The following DPYS variants were observed in gnomAD, a reference collection of about 807,000 sequenced individuals.
DPYS encodes dihydropyrimidine amidohydrolase.
Under a neutral mutation model 50.3 loss-of-function variants are expected in DPYS, and 39 were observed. That is an observed-to-expected ratio of 0.78 (90% CI 0.60 to 1.01). The LOEUF (loss-of-function observed/expected upper bound fraction) is 1.01. Ranked by LOEUF, DPYS falls within the 50% of genes least tolerant of loss-of-function variation. The pLI is 0.00. For synonymous variants in DPYS, 245 were observed against 250.7 expected (o/e 0.98, Z 0.22); for missense variants, 659 against 680.9 (o/e 0.97, Z 0.36).
Position 104,410,487 on chromosome 8 carries a change from C to T in DPYS, c.1235+13760G>A, listed in dbSNP as rs150729734. 1.3e-4 allele frequency among the ~76,000 whole-genome samples: 20 copies of T among 152,206 alleles called. No homozygotes were observed. In the East Asian group the frequency reaches 1.7e-3, roughly 13 times the overall value. On this transcript the variant is annotated intron_variant, in intron 7 of 9. Transcript: ENST00000351513. ...TCACAGCTTAGGCTTAAACTGAGAGCGCTTCCAAGGACATGGGAGTTTCAG... is the reference window on the plus strand; with the variant it reads ...TCACAGCTTAGGCTTAAACTGAGAGTGCTTCCAAGGACATGGGAGTTTCAG...
intron 7 of DPYS, chr8:104,420,581 G>A (rs1812507507): frequency 6.6e-6 from 1 of 151,524 alleles, no homozygotes; most frequent in Non-Finnish European, 1.5e-5. Context: ...TGATGGTTTA[G>A]AGGAAAATGT....
intron 7 of DPYS, among the ~76,000 whole-genome samples, chr8:104,403,914 C>T (rs771578600): frequency 2.6e-5 from 4 of 152,172 alleles, no homozygotes; most frequent in Non-Finnish European, 4.4e-5. Flanking sequence ...AGAATCAAGA[C>T]CTGGCCTCCA....
intron 7 of DPYS, among the ~76,000 whole-genome samples, chr8:104,416,494 C>T (rs532505480): frequency 6.6e-6 from 1 of 152,156 alleles, no homozygotes; most frequent in East Asian, 1.9e-4. Context: ...CACTTATGCA[C>T]CCATGACAAG....
rs556496323 is a variant in DPYS, at chr8:104,439,630, T to A, written c.793+4618A>T. Among the ~76,000 whole-genome samples the A allele has an allele frequency of 2.1e-3, 326 of 152,138 alleles. 1 individual carries two copies. Among genetic ancestry groups the A allele is most frequent in the African/African-American group, 5.9e-3 (245 of 41,512 alleles). On this transcript the variant is annotated intron_variant, in intron 4 of 9. Transcript: ENST00000351513. ...AGACTTCATTTCTACAAAAAAATTT[T>A]AAAAATTGGCTGGGTGTGGTGGCTT... is the stretch of plus-strand genomic sequence containing the variant.
In DPYS at chr8:104,462,822, T is replaced by C. The variant is rs542715745; in HGVS notation, c.264+3835A>G. Reference sequence around the variant, plus strand: ...ATTGTCCTTCCTCATAGATATTGAATTATCTGAAGACCACTGTACATCTGG... The same window carrying C: ...ATTGTCCTTCCTCATAGATATTGAACTATCTGAAGACCACTGTACATCTGG... On this transcript the variant is annotated intron_variant, in intron 1 of 9. Coordinates refer to ENST00000351513, the MANE Select transcript of DPYS (RefSeq NM_001385.3). Among the ~76,000 whole-genome samples, 69 of 152,364 alleles carry C rather than the reference T, an allele frequency of 4.5e-4. No individual in the cohort carries two copies. In the South Asian group the frequency reaches 9.1e-3, roughly 20 times the overall value.
intron 4 of DPYS, among the ~76,000 whole-genome samples, chr8:104,434,601 C>T (rs568083613): frequency 5.3e-5 from 8 of 152,102 alleles, no homozygotes; most frequent in Non-Finnish European, 8.8e-5. Flanking sequence ...CAAAACCAAA[C>T]GAAATCAAAT....
intron 8 of DPYS, among the ~76,000 whole-genome samples, chr8:104,382,609 AGGGT>A (rs1182364091): frequency 5.3e-5 from 8 of 149,616 alleles, no homozygotes; most frequent in African/African-American, 2.0e-4. Context: ...ACTTAAACCT[AGGGT>A]GACTGTACAA....
At chr8:104,387,972 T>C (rs1285039668) in intron 8 of DPYS, among the ~76,000 whole-genome samples, 1 of 152,096 alleles carries the variant, frequency 6.6e-6, no homozygotes, top group Non-Finnish European at 1.5e-5. Flanking sequence ...GAATGAAGAG[T>C]TGGGCACAGA....
At chr8:104,381,549 G>A (rs1035035931) in intron 8 of DPYS, 2 of 478,822 alleles carry the variant, frequency 4.2e-6, no homozygotes, top group South Asian at 4.1e-5. Flanking sequence ...CACTCACTGG[G>A]GCCTCTGCCA....
chr8:104,439,910 A>G (rs112615766), intron 4 of DPYS, among the ~76,000 whole-genome samples: 2 of 152,354 alleles, frequency 1.3e-5, no homozygotes, highest in African/African-American at 4.8e-5. Flanking sequence ...TTGGGGTCAC[A>G]TAGACTTGGA....
In DPYS at chr8:104,447,390, G is replaced by C. The variant is rs1813572155; in HGVS notation, c.537C>G (p.Phe179Leu). ...TTGCTCCAATTTCCTTGCACCGAGA[G>C]AAGGCTTCGTACAGCTCCAGGTCTG... ...MVTDLELYEA[F>L]SRCKEIGAIA... Residue 179 changes from phenylalanine (F) to leucine (L), a missense_variant, in exon 3 of 10, where the codon TTC (phenylalanine) becomes TTG (leucine). By Grantham distance (22) the Phe-to-Leu change is conservative. Coordinates refer to ENST00000351513, the MANE Select transcript of DPYS (RefSeq NM_001385.3). 6.2e-7 allele frequency: 1 copy of C among 1,614,062 alleles called. No individual in the cohort carries two copies. The highest frequency in any genetic ancestry group is 1.3e-5 in the African/African-American group (1 of 75,022).
chr8:104,388,200 T>C (rs1162340154), intron 8 of DPYS, among the ~76,000 whole-genome samples: 6 of 152,210 alleles, frequency 3.9e-5, no homozygotes, highest in Admixed American at 6.5e-5. Flanking sequence ...ATCCACTCAA[T>C]TTTATCTTAT....
intron 4 of DPYS, among the ~76,000 whole-genome samples, chr8:104,438,673 A>G (rs946720904): frequency 2.0e-5 from 3 of 152,168 alleles, no homozygotes; most frequent in African/African-American, 7.2e-5. Context: ...AGCATGGAAG[A>G]CCTAATTAGA....
At chr8:104,402,950 T>A (rs1811869172) in intron 7 of DPYS, among the ~76,000 whole-genome samples, 1 of 152,162 alleles carries the variant, frequency 6.6e-6, no homozygotes, top group Non-Finnish European at 1.5e-5. Context: ...TAGCCAATCA[T>A]CTATCGCCTG....
rs1035327416 is a variant in DPYS at position 104,451,539 on chromosome 8, G to A, written c.265-135C>T. ...AGGAAATTGCAAAAAGATGCTGCCT[G>A]TTTAAATGACCCAGAAGGGCATGAA... On this transcript the variant is annotated intron_variant, in intron 1 of 9. Transcript: ENST00000351513. The A allele has an allele frequency of 3.8e-6, 4 of 1,048,988 alleles. No individual in the cohort carries two copies. The South Asian group carries it at 4.1e-5, about 11-fold the overall frequency. The allele number at this position is 1,048,988 out of a possible 1,614,324, so 65.0% of individuals were successfully genotyped here.
chr8:104,455,542 A>T (rs540144065), intron 1 of DPYS, among the ~76,000 whole-genome samples: 2 of 152,192 alleles, frequency 1.3e-5, no homozygotes, highest in Non-Finnish European at 2.9e-5. Flanking sequence ...CCTGAGAGTG[A>T]GGTGCTTGGG....
At chr8:104,455,899 T>C (rs1394200364) in intron 1 of DPYS, among the ~76,000 whole-genome samples, 1 of 152,218 alleles carries the variant, frequency 6.6e-6, no homozygotes, top group Non-Finnish European at 1.5e-5. Flanking sequence ...ATCATAATTT[T>C]ATATGAAAAA....
At chr8:104,409,152 G>T (rs1812091899) in intron 7 of DPYS, among the ~76,000 whole-genome samples, 2 of 151,728 alleles carry the variant, frequency 1.3e-5, no homozygotes, top group Non-Finnish European at 2.9e-5. Context: ...TACTAAAATT[G>T]TGGTTACCAC....
chr8:104,398,275 C>T (rs1361521916), intron 7 of DPYS, among the ~76,000 whole-genome samples: 1 of 152,220 alleles, frequency 6.6e-6, no homozygotes, highest in African/African-American at 2.4e-5. Context: ...TGGGTCAATC[C>T]TGGGTTTAGG....
Sources: gnomAD v4.1 joint callset for allele counts (sites outside exome capture counted in the v4.1 genomes callset) on GRCh38, gnomAD v4.1.1 for gene constraint, MANE v1.5 for transcripts, NCBI Gene and HGNC (gene_info 2026-07-23, HGNC 2026-07-21) for gene names.